The following ZSWIM6 variants were observed in gnomAD, a reference collection of about 807,000 sequenced individuals.
The protein encoded by ZSWIM6 is zinc finger SWIM domain-containing protein 6.
A neutral mutation model predicts 113.2 loss-of-function variants in ZSWIM6; 9 were observed. The ratio of observed to expected loss-of-function variants is 0.08; its 90% CI spans 0.05 to 0.14. The LOEUF is 0.14. Ranked by LOEUF, ZSWIM6 falls within the 10% of genes least tolerant of loss-of-function variation. The pLI is 1.00. For synonymous variants in ZSWIM6, 611 were observed against 606.5 expected, an observed-to-expected ratio of 1.01 and a Z score of -0.11; for missense variants, 1,162 against 1,552.2, an observed-to-expected ratio of 0.75 and a Z score of 4.22.
At chr5:61,452,402 C>T (rs956274124) in intron 1 of ZSWIM6, among the ~76,000 whole-genome samples, 11 of 152,002 alleles carry the variant, frequency 7.2e-5, no homozygotes, top group African/African-American at 2.4e-4. Context: ...TCTTGGTGCA[C>T]GTGTGCAAGT....
Position 61,439,673 on chromosome 5 carries a change from A to G in ZSWIM6, c.677-33008A>G, listed in dbSNP as rs1746784121. Among the ~76,000 whole-genome samples, 3 of 152,138 alleles carry G rather than the reference A, an allele frequency of 2.0e-5. No homozygotes were observed. The South Asian group carries it at 6.2e-4, about 31-fold the overall frequency. The stretch of plus-strand genomic sequence containing the variant: ...CTGTTGCTTCCAGTTTTTGGCTATC[A>G]TTAACAATGATGCTAAGAGTGTTCT... On this transcript the variant is annotated intron_variant, in intron 1 of 13. Coordinates refer to ENST00000252744, the MANE Select transcript of ZSWIM6 (RefSeq NM_020928.2).
chr5:61,407,269 G>T (rs1746063424), intron 1 of ZSWIM6, among the ~76,000 whole-genome samples: 1 of 152,194 alleles, frequency 6.6e-6, no homozygotes, highest in Admixed American at 6.5e-5. Flanking sequence ...TTCAATTTGT[G>T]TTGGGACTAG....
intron 1 of ZSWIM6, among the ~76,000 whole-genome samples, chr5:61,404,354 T>C (rs1746006437): frequency 6.6e-6 from 1 of 152,180 alleles, no homozygotes; most frequent in South Asian, 2.1e-4. Flanking sequence ...TTCCGATCTT[T>C]AGGGGAAAGA....
intron 1 of ZSWIM6, among the ~76,000 whole-genome samples, chr5:61,353,426 A>G (rs150463598): frequency 1.3e-5 from 2 of 152,166 alleles, no homozygotes; most frequent in African/African-American, 4.8e-5. Flanking sequence ...CTGGACTTGA[A>G]CACCTAGGCC....
rs370738954 is a variant in ZSWIM6, at chr5:61,521,384, T to G, written c.1455T>G (p.His485Gln). 1.8e-5 allele frequency: 27 copies of G among 1,530,810 alleles called. No individual in the cohort carries two copies. The African/African-American group carries it at 3.2e-4, about 18-fold the overall frequency. 94.8% of individuals were successfully genotyped at this position (1,530,810 alleles called of 1,614,324 possible). A position where few individuals can be genotyped will look rare whatever the true frequency, so the allele number is the denominator to read the frequency against. Reference sequence around the variant, plus strand: ...TCTGTCCATGGGAAGATGGAAATCATGGCAGTGAATTACCCAACTTAACCA... The same window carrying G: ...TCTGTCCATGGGAAGATGGAAATCAGGGCAGTGAATTACCCAACTTAACCA... ...VDVCPWEDGN[H>Q]GSELPNLTNA... Residue 485 changes from histidine to glutamine, a missense_variant, in exon 5 of 14, where the codon CAT (histidine) becomes CAG (glutamine). Physicochemically the swap from His to Gln is conservative, Grantham distance 24 (BLOSUM62 0). Coordinates refer to ENST00000252744, the MANE Select transcript of ZSWIM6 (RefSeq NM_020928.2).
At chr5:61,395,061 G>A (rs1745810608) in intron 1 of ZSWIM6, among the ~76,000 whole-genome samples, 1 of 152,148 alleles carries the variant, frequency 6.6e-6, no homozygotes, top group Non-Finnish European at 1.5e-5. Flanking sequence ...ATTTTGGGGA[G>A]TTATAAAATC....
chr5:61,373,481 T>TA (rs766730393), intron 1 of ZSWIM6, among the ~76,000 whole-genome samples: 4 of 151,068 alleles, frequency 2.6e-5, no homozygotes, highest in Non-Finnish European at 5.9e-5. Flanking sequence ...CGGTACTCAG[T>TA]ATTTCTTAAA....
chr5:61,429,134 A>G (rs571876297), intron 1 of ZSWIM6, among the ~76,000 whole-genome samples: 1 of 152,030 alleles, frequency 6.6e-6, no homozygotes, highest in African/African-American at 2.4e-5. Flanking sequence ...AAGTGTTGCT[A>G]CTCATTTGAG....
intron 1 of ZSWIM6, chr5:61,391,745 G>C: frequency 4.4e-6 from 5 of 1,129,740 alleles, no homozygotes; most frequent in Non-Finnish European, 6.7e-6. Context: ...AAGGCTGTGA[G>C]GTGGACCAGC....
intron 4 of ZSWIM6, among the ~76,000 whole-genome samples, chr5:61,514,297 T>C (rs1417242508): frequency 6.6e-6 from 1 of 151,722 alleles, no homozygotes; most frequent in Non-Finnish European, 1.5e-5. Flanking sequence ...TTTGAACTTA[T>C]CTAATATGAC....
intron 7 of ZSWIM6, among the ~76,000 whole-genome samples, chr5:61,527,864 ATGTT>A (rs1214587771): frequency 6.6e-6 from 1 of 152,156 alleles, no homozygotes; most frequent in African/African-American, 2.4e-5. Flanking sequence ...AAGTGTAAAA[ATGTT>A]AGTTAGTTTC....
intron 1 of ZSWIM6, among the ~76,000 whole-genome samples, chr5:61,342,826 T>C (rs1359461705): frequency 6.6e-6 from 1 of 151,976 alleles, no homozygotes; most frequent in Admixed American, 6.6e-5. Flanking sequence ...GGTTCAGCAG[T>C]GTTAAGTACA....
intron 1 of ZSWIM6, among the ~76,000 whole-genome samples, chr5:61,385,720 A>G (rs1422636920): frequency 2.0e-5 from 3 of 152,200 alleles, no homozygotes; most frequent in Admixed American, 6.5e-5. Flanking sequence ...TGGCTTCTTC[A>G]TTGAAAATCC....
At chr5:61,350,408 T>C (rs1442846429) in intron 1 of ZSWIM6, among the ~76,000 whole-genome samples, 2 of 152,076 alleles carry the variant, frequency 1.3e-5, no homozygotes, top group Non-Finnish European at 1.5e-5. Context: ...AAAGGTGACC[T>C]TTGGCTTATT....
At chr5:61,392,240 C>T (rs900793926) in intron 1 of ZSWIM6, among the ~76,000 whole-genome samples, 6 of 152,142 alleles carry the variant, frequency 3.9e-5, no homozygotes, top group East Asian at 1.9e-4. Context: ...TGGAGAAAGA[C>T]GGAAAGCAAC....
chr5:61,471,662 GA>G (rs1314045704), intron 1 of ZSWIM6, among the ~76,000 whole-genome samples: 1 of 152,198 alleles, frequency 6.6e-6, no homozygotes, highest in Admixed American at 6.5e-5. Context: ...ACCCTATTTG[GA>G]ATTGTGCATG....
At chr5:61,525,680 A>G (rs1368281824) in intron 5 of ZSWIM6, 120 bp from the exon 6 acceptor site, 10 of 1,161,020 alleles carry the variant, frequency 8.6e-6, no homozygotes, top group Middle Eastern at 2.0e-4. Context: ...CCTTCTGCTT[A>G]GGGGGTGCAG....
At chr5:61,447,016 T>C (rs1017544304) in intron 1 of ZSWIM6, among the ~76,000 whole-genome samples, 1 of 152,106 alleles carries the variant, frequency 6.6e-6, no homozygotes, top group Non-Finnish European at 1.5e-5. Flanking sequence ...TAAAGCTGTT[T>C]CCATAGGTGT....
chr5:61,466,475 G>A (rs1241893557), intron 1 of ZSWIM6, among the ~76,000 whole-genome samples: 18 of 152,154 alleles, frequency 1.2e-4, no homozygotes, highest in South Asian at 2.1e-4. Flanking sequence ...TAGGAAAAGG[G>A]TGAAAGATGT....
Sources: allele counts gnomAD v4.1 joint callset (sites outside exome capture counted in the v4.1 genomes callset), GRCh38; gene constraint gnomAD v4.1.1; transcripts MANE v1.5; gene names NCBI Gene and HGNC (gene_info 2026-07-23, HGNC 2026-07-21).